SNX29: variants seen among roughly 807,000 people sequenced by gnomAD.
The protein encoded by SNX29 is sorting nexin-29.
Under a neutral mutation model 102.1 loss-of-function variants are expected in SNX29, and 78 were observed. The observed-to-expected ratio is 0.76, with a 90% CI of 0.64 to 0.92. The LOEUF (loss-of-function observed/expected upper bound fraction) is 0.92. Among genes scored for constraint, SNX29 ranks in the 40% least tolerant of loss-of-function variants. The pLI is 0.00. For missense variants in SNX29, 1,280 were observed against 1,061.7 expected (o/e 1.21, Z -2.86); for synonymous variants, 580 against 414.5 (o/e 1.40, Z -4.85).
At chr16:12,132,025 T>C (rs1413432257) in intron 13 of SNX29, among the ~76,000 whole-genome samples, 3 of 152,194 alleles carry the variant, frequency 2.0e-5, no homozygotes, top group Non-Finnish European at 4.4e-5. Flanking sequence ...TTGCATTTAA[T>C]GTTCACAATA....
chr16:12,163,765 C>G (rs1490722644), intron 13 of SNX29, among the ~76,000 whole-genome samples: 2 of 152,176 alleles, frequency 1.3e-5, no homozygotes, highest in African/African-American at 4.8e-5. Flanking sequence ...CTCGGCACAT[C>G]CTGCGGTCTC....
intron 15 of SNX29, among the ~76,000 whole-genome samples, chr16:12,310,100 A>G (rs1027546424): frequency 3.5e-5 from 5 of 144,744 alleles, no homozygotes; most frequent in Admixed American, 2.1e-4. Context: ...ATGCACACAC[A>G]TGCACACATA....
At chr16:12,507,140 A>G (rs1302650853) in intron 19 of SNX29, among the ~76,000 whole-genome samples, 1 of 152,218 alleles carries the variant, frequency 6.6e-6, no homozygotes, top group African/African-American at 2.4e-5. Context: ...TTCAGAGGTG[A>G]TGAGACCGAA....
intron 3 of SNX29, among the ~76,000 whole-genome samples, chr16:12,011,263 G>A (rs1355559047): frequency 2.1e-5 from 3 of 141,230 alleles, no homozygotes; most frequent in African/African-American, 7.9e-5. Context: ...ACAAATCTAA[G>A]CCCATTTTTA....
In SNX29 at chr16:12,551,399, C is replaced by A. The variant is rs8063757; in HGVS notation, c.2319-17107C>A. 2.4e-3 allele frequency among the ~76,000 whole-genome samples: 361 copies of A among 152,314 alleles called. 3 individuals carry two copies. Among genetic ancestry groups the A allele is most frequent in the African/African-American group, 8.2e-3 (342 of 41,566 alleles). On this transcript the variant is annotated intron_variant, in intron 20 of 20. Transcript: ENST00000566228. Reference sequence around the variant, plus strand: ...ACTTCCCCAACAGTAGGATTGCTTTCAAGTTGGGGTCTCAGCCACAGCTTG... The same window carrying A: ...ACTTCCCCAACAGTAGGATTGCTTTAAAGTTGGGGTCTCAGCCACAGCTTG...
At chr16:12,222,800 C>T (rs148421896) in intron 14 of SNX29, among the ~76,000 whole-genome samples, 2 of 152,244 alleles carry the variant, frequency 1.3e-5, no homozygotes, top group African/African-American at 4.8e-5. Flanking sequence ...AACTCCCGAC[C>T]TCAGGTGATC....
At chr16:12,193,770 G>A (rs1047985909) in intron 13 of SNX29, among the ~76,000 whole-genome samples, 1 of 152,108 alleles carries the variant, frequency 6.6e-6, no homozygotes, top group South Asian at 2.1e-4. Flanking sequence ...CTCCAGAAGC[G>A]CCTTCCTACC....
At chr16:12,324,290 G>A (rs2081049030) in intron 15 of SNX29, among the ~76,000 whole-genome samples, 1 of 152,082 alleles carries the variant, frequency 6.6e-6, no homozygotes, top group Non-Finnish European at 1.5e-5. Context: ...ATGCCAGCAA[G>A]TTCCAGGCCA....
chr16:12,370,469 A>G (rs1366789039), intron 16 of SNX29, among the ~76,000 whole-genome samples: 4 of 152,226 alleles, frequency 2.6e-5, no homozygotes, highest in Non-Finnish European at 4.4e-5. Flanking sequence ...GTGAGGCAGG[A>G]TAATTGCTTG....
At chr16:12,163,286 C>T (rs1213774124) in intron 13 of SNX29, among the ~76,000 whole-genome samples, 3 of 152,142 alleles carry the variant, frequency 2.0e-5, no homozygotes, top group Non-Finnish European at 1.5e-5. Context: ...GAGGAGGGAA[C>T]ACTGGAGCTG....
intron 14 of SNX29, among the ~76,000 whole-genome samples, chr16:12,243,122 A>G (rs1276944387): frequency 6.6e-6 from 1 of 152,110 alleles, no homozygotes. Context: ...CAGAGACACT[A>G]TTTGTCTTCT....
chr16:12,568,303 T>TAA (rs10633753), intron 20 of SNX29, among the ~76,000 whole-genome samples: 60 of 80,714 alleles, frequency 7.4e-4, no homozygotes, highest in African/African-American at 2.2e-3. Flanking sequence ...CGGAGTGCTG[T>TAA]TAAAAAAAAA....
At chr16:12,565,977 C>T (rs2078987388) in intron 20 of SNX29, among the ~76,000 whole-genome samples, 1 of 152,142 alleles carries the variant, frequency 6.6e-6, no homozygotes, top group Non-Finnish European at 1.5e-5. Flanking sequence ...GCTTTCCAAA[C>T]CTGAGACCAC....
At chr16:12,354,785 C>G (rs1042980544) in intron 15 of SNX29, among the ~76,000 whole-genome samples, 27 of 152,156 alleles carry the variant, frequency 1.8e-4, no homozygotes, top group African/African-American at 6.3e-4. Flanking sequence ...TCGACTCAAC[C>G]TTTTCTTATC....
In SNX29 at chr16:12,047,720, G is replaced by C. The variant is rs142395091; in HGVS notation, c.500-652G>C. ...TTGCCCAGGCTGGAGTGCAATGGCA[G>C]GATCTTGGCTCACCACAACCTCTGC... On this transcript the variant is annotated intron_variant, in intron 6 of 20. Coordinates refer to ENST00000566228, the MANE Select transcript of SNX29 (RefSeq NM_032167.5). Among the ~76,000 whole-genome samples the C allele has an allele frequency of 1.1e-3, 159 of 149,888 alleles. 2 individuals are homozygous for C. The highest frequency in any genetic ancestry group is 3.8e-3 in the African/African-American group (156 of 40,660).
Position 12,547,115 on chromosome 16 carries a change from A to G in SNX29, c.2319-21391A>G, listed in dbSNP as rs568148955. ...TGGCGATTTCCAGTGAAAAGACAGG[A>G]AATGACATCACAGTCATCACAGAGG... On this transcript the variant is annotated intron_variant, in intron 20 of 20. Coordinates refer to ENST00000566228, the MANE Select transcript of SNX29 (RefSeq NM_032167.5). 1.8e-4 allele frequency among the ~76,000 whole-genome samples: 28 copies of G among 152,302 alleles called. 1 individual carries two copies. The East Asian group carries it at 5.0e-3, about 27-fold the overall frequency.
intron 1 of SNX29, among the ~76,000 whole-genome samples, chr16:11,982,440 T>G (rs921613848): frequency 7.3e-5 from 11 of 150,572 alleles, no homozygotes; most frequent in East Asian, 3.9e-4. Flanking sequence ...TTTTTTTTTT[T>G]TTGTTTTGAG....
intron 14 of SNX29, among the ~76,000 whole-genome samples, chr16:12,253,886 G>GC (rs1188878578): frequency 6.6e-6 from 1 of 152,154 alleles, no homozygotes; most frequent in Non-Finnish European, 1.5e-5. Flanking sequence ...AGGAGCTCAG[G>GC]CACAAGGCGG....
intron 18 of SNX29, among the ~76,000 whole-genome samples, chr16:12,440,987 G>A (rs999943489): frequency 9.2e-5 from 14 of 151,850 alleles, no homozygotes; most frequent in Admixed American, 2.6e-4. Context: ...ACTTAGAATC[G>A]TAGAAATCAT....
Sources: gnomAD v4.1 joint callset for allele counts (sites outside exome capture counted in the v4.1 genomes callset) on GRCh38, gnomAD v4.1.1 for gene constraint, MANE v1.5 for transcripts, NCBI Gene and HGNC (gene_info 2026-07-23, HGNC 2026-07-21) for gene names.